The following WDR72 variants were observed in gnomAD, a reference collection of about 807,000 sequenced individuals.
WDR72 encodes WD repeat domain 72.
A neutral mutation model predicts 124.2 loss-of-function variants in WDR72; 120 were observed. The ratio of observed to expected loss-of-function variants is 0.97; its 90% CI spans 0.83 to 1.12. WDR72 has a LOEUF of 1.12. Among genes scored for constraint, WDR72 ranks in the 50% most tolerant of loss-of-function variants. The pLI is 0.00. For synonymous variants in WDR72, 452 were observed against 441.7 expected, an observed-to-expected ratio of 1.02 and a Z score of -0.29; for missense variants, 1,387 against 1,278.8, an observed-to-expected ratio of 1.08 and a Z score of -1.29.
At chr15:53,709,965 T>C (rs1171058979) in intron 9 of WDR72, among the ~76,000 whole-genome samples, 1 of 152,088 alleles carries the variant, frequency 6.6e-6, no homozygotes, top group Non-Finnish European at 1.5e-5. Context: ...AAATAACGTT[T>C]ATGGATAATT....
intron 14 of WDR72, among the ~76,000 whole-genome samples, chr15:53,621,234 G>C (rs1341858584): frequency 6.6e-6 from 1 of 151,814 alleles, no homozygotes; most frequent in East Asian, 1.9e-4. Context: ...ACGGTGTGGA[G>C]AATTCCTTAA....
chr15:53,618,977 A>T (rs986975336), intron 14 of WDR72, among the ~76,000 whole-genome samples: 3 of 151,930 alleles, frequency 2.0e-5, no homozygotes, highest in East Asian at 3.9e-4. Flanking sequence ...TTAGTTTGCC[A>T]GTTGTCTTCT....
At chr15:53,701,319 A>T (rs979773786) in intron 12 of WDR72, among the ~76,000 whole-genome samples, 1 of 152,206 alleles carries the variant, frequency 6.6e-6, no homozygotes, top group African/African-American at 2.4e-5. Context: ...AGGTGGGAAG[A>T]TTCCTTGCAC....
chr15:53,750,111 A>C (rs2018739339), intron 1 of WDR72, among the ~76,000 whole-genome samples: 1 of 152,196 alleles, frequency 6.6e-6, no homozygotes, highest in African/African-American at 2.4e-5. Context: ...ACACCTTTTT[A>C]TTGGAAGAAG....
chr15:53,727,767 T>C lies in WDR72; in HGVS notation c.154-4859A>G, dbSNP rs118089758. ...GAACATCATGGCCTTTCATATGAAGTCCTCATTCTATTACTAAATCCCCAC... is the reference window on the plus strand; with the variant it reads ...GAACATCATGGCCTTTCATATGAAGCCCTCATTCTATTACTAAATCCCCAC... On this transcript the variant is annotated intron_variant, in intron 2 of 19. Transcript: ENST00000360509. Among the ~76,000 whole-genome samples, 338 of 152,298 alleles carry C rather than the reference T, an allele frequency of 2.2e-3. 2 individuals are homozygous for C. The highest frequency in any genetic ancestry group is 3.9e-3 in the Non-Finnish European group (265 of 68,024).
At chr15:53,571,077 G>C (rs1306532081) in intron 18 of WDR72, among the ~76,000 whole-genome samples, 1 of 151,998 alleles carries the variant, frequency 6.6e-6, no homozygotes, top group African/African-American at 2.4e-5. Flanking sequence ...ACTTGTAAGT[G>C]GAAGCTAGAC....
intron 13 of WDR72, among the ~76,000 whole-genome samples, chr15:53,694,340 T>A (rs1184738084): frequency 1.3e-5 from 2 of 152,198 alleles, no homozygotes; most frequent in African/African-American, 4.8e-5. Flanking sequence ...TTCTCCTCCC[T>A]TCCCATCAGC....
chr15:53,622,109 A>C (rs28842244), intron 14 of WDR72, among the ~76,000 whole-genome samples: 1 of 152,186 alleles, frequency 6.6e-6, no homozygotes, highest in African/African-American at 2.4e-5. Context: ...GTGATTATTA[A>C]AAAGTCAAGA....
intron 14 of WDR72, among the ~76,000 whole-genome samples, chr15:53,643,557 T>C (rs980225472): frequency 3.3e-5 from 5 of 152,088 alleles, no homozygotes; most frequent in Non-Finnish European, 7.4e-5. Flanking sequence ...ATGTTCCTCA[T>C]CAAACTTTCT....
chr15:53,586,260 G>A (rs2012209883), intron 18 of WDR72, among the ~76,000 whole-genome samples: 1 of 152,026 alleles, frequency 6.6e-6, no homozygotes, highest in Admixed American at 6.6e-5. Context: ...CCTCATGTAT[G>A]TGAAAGTGAA....
At position 53,648,381 on chromosome 15, in the gene WDR72, T is replaced by C. The variant is rs115106014; in HGVS notation, c.1962+17191A>G. On this transcript the variant is annotated intron_variant, in intron 14 of 19. Transcript: ENST00000360509. ...AAAACTAATTAAAAGAGATGTGGTA[T>C]GTACATGTAATTTTACTTACTCCAA... is the stretch of plus-strand genomic sequence containing the variant. Among the ~76,000 whole-genome samples the C allele has an allele frequency of 1.9e-3, 295 of 152,258 alleles. 1 individual carries two copies. Among genetic ancestry groups the C allele is most frequent in the African/African-American group, 6.9e-3 (286 of 41,550 alleles).
At chr15:53,592,029 G>C (rs1417571573) in intron 18 of WDR72, among the ~76,000 whole-genome samples, 1 of 151,896 alleles carries the variant, frequency 6.6e-6, no homozygotes. Context: ...CCCAACATAT[G>C]GGCCAAGTCA....
chr15:53,616,459 T>G lies in WDR72; in HGVS notation c.1963-216A>C, dbSNP rs187342315. ...AGACTTCTTTTCTTTTTTCCTAAGT[T>G]TTATTTTTCCTCTAAATAAATATGA... On this transcript the variant is annotated intron_variant, in intron 14 of 19. Coordinates refer to ENST00000360509, the MANE Select transcript of WDR72 (RefSeq NM_182758.4). 2.1e-3 allele frequency among the ~76,000 whole-genome samples: 325 copies of G among 152,054 alleles called. 1 individual carries two copies. Among genetic ancestry groups the G allele is most frequent in the African/African-American group, 6.9e-3 (285 of 41,536 alleles).
At chr15:53,553,329 G>T (rs1039955636) in intron 18 of WDR72, among the ~76,000 whole-genome samples, 1 of 152,172 alleles carries the variant, frequency 6.6e-6, no homozygotes, top group East Asian at 1.9e-4. Flanking sequence ...CTCTTTCACA[G>T]ATGCAGACAC....
At chr15:53,656,551 C>T (rs1052046797) in intron 14 of WDR72, among the ~76,000 whole-genome samples, 1 of 152,082 alleles carries the variant, frequency 6.6e-6, no homozygotes, top group Non-Finnish European at 1.5e-5. Context: ...GTCATTGGTA[C>T]AGAAGTAGTG....
chr15:53,699,774 C>T lies in WDR72; in HGVS notation c.1741G>A (p.Val581Ile), dbSNP rs779286162. 1 of 1,614,152 alleles carries T rather than the reference C, an allele frequency of 6.2e-7. No individual in the cohort carries two copies. The highest frequency in any genetic ancestry group is 2.2e-5 in the East Asian group (1 of 44,874). Residue 581 changes from valine (V) to isoleucine (I), a missense_variant, in exon 13 of 20, where the codon GTT (valine) becomes ATT (isoleucine). Coordinates refer to ENST00000360509, the MANE Select transcript of WDR72 (RefSeq NM_182758.4). ...CCTGTTTCAATTTCCCAGATATAAACTGAGTCATCTGCACATCCAACAATT... is the reference window on the plus strand; with the variant it reads ...CCTGTTTCAATTTCCCAGATATAAATTGAGTCATCTGCACATCCAACAATT... ...FLIVGCADDSVYIWEIETGTL... is the reference protein window; with the variant it reads ...FLIVGCADDSIYIWEIETGTL...
chr15:53,678,285 C>T (rs186467309), intron 13 of WDR72, among the ~76,000 whole-genome samples: 227 of 152,216 alleles, frequency 1.5e-3, no homozygotes, highest in Non-Finnish European at 1.7e-3. Context: ...TGAAGGCTTA[C>T]GAAATAAATG....
chr15:53,706,777 C>T (rs1236729144), intron 9 of WDR72, among the ~76,000 whole-genome samples: 1 of 151,760 alleles, frequency 6.6e-6, no homozygotes, highest in Non-Finnish European at 1.5e-5. Flanking sequence ...CAAGTGGCCA[C>T]AAAGGAAAAT....
At chr15:53,541,539 G>C (rs1893135706) in intron 18 of WDR72, among the ~76,000 whole-genome samples, 1 of 151,376 alleles carries the variant, frequency 6.6e-6, no homozygotes, top group African/African-American at 2.4e-5. Flanking sequence ...CACAAAGATG[G>C]GGAAAAAACA....
Sources: allele counts gnomAD v4.1 joint callset (sites outside exome capture counted in the v4.1 genomes callset), GRCh38; gene constraint gnomAD v4.1.1; transcripts MANE v1.5; gene names NCBI Gene and HGNC (gene_info 2026-07-23, HGNC 2026-07-21).